The following ALPK2 variants were observed in gnomAD, a reference collection of about 807,000 sequenced individuals.
ALPK2 encodes alpha-protein kinase 2.
A neutral mutation model predicts 163.1 loss-of-function variants in ALPK2; 127 were observed. The ratio of observed to expected loss-of-function variants is 0.78; its 90% CI spans 0.67 to 0.90. The LOEUF is 0.90. ALPK2 is among the 40% of genes least tolerant of loss of function. The probability of loss-of-function intolerance (pLI) is 0.00; values close to 1 mark genes in which losing one functional copy is unlikely to be tolerated. For missense variants in ALPK2, 2,360 were observed against 2,589.6 expected (o/e 0.91, Z 1.92); for synonymous variants, 953 against 959.1 (o/e 0.99, Z 0.12).
At chr18:58,550,834 T>C (rs922947723) in intron 4 of ALPK2, among the ~76,000 whole-genome samples, 35 of 56,354 alleles carry the variant, frequency 6.2e-4, no homozygotes, top group Admixed American at 9.8e-4. Context: ...CATATACAAC[T>C]CCATCCTCAT....
At chr18:58,590,853 C>T (rs1568095198) in intron 3 of ALPK2, among the ~76,000 whole-genome samples, 2 of 152,166 alleles carry the variant, frequency 1.3e-5, no homozygotes, top group Non-Finnish European at 2.9e-5. Flanking sequence ...AGAGCTGTGT[C>T]TCTCCCAGGC....
intron 3 of ALPK2, 56 bp from the exon 4 acceptor site, chr18:58,580,604 A>G (rs2051953847): frequency 5.0e-6 from 7 of 1,388,212 alleles, no homozygotes; most frequent in Non-Finnish European, 7.0e-6. Context: ...GCATGCCAAC[A>G]TTTTCACACC....
chr18:58,536,821 A>T lies in ALPK2; in HGVS notation c.3366T>A (p.Tyr1122Ter), dbSNP rs1235460046. The change falls in exon 5 of 13, where the codon TAT becomes TAA. Residue 1122 changes from tyrosine (Y) to a stop codon, truncating the protein, a stop_gained. Transcript: ENST00000361673. LOFTEE classifies it high-confidence loss of function. ...TTCCTCTTTCTTGGAAATTCTCTTC[A>T]TAGCTCCTAAAGTCTGCTCTGTCCA... ...QTVDRADFRS[Y>*]EENFQERGSE... is the part of the protein sequence containing the mutation. 1 of 1,614,022 alleles carries T rather than the reference A, an allele frequency of 6.2e-7. No individual in the cohort carries two copies. Among genetic ancestry groups the T allele is most frequent in the African/African-American group, 1.3e-5 (1 of 74,918 alleles).
intron 3 of ALPK2, among the ~76,000 whole-genome samples, chr18:58,587,426 C>T (rs1337765112): frequency 3.9e-5 from 6 of 152,068 alleles, no homozygotes; most frequent in Non-Finnish European, 8.8e-5. Context: ...TCAATAGAAA[C>T]TGTCCCTAGA....
chr18:58,538,823 A>T (rs182457533), intron 4 of ALPK2, among the ~76,000 whole-genome samples: 170 of 152,170 alleles, frequency 1.1e-3, no homozygotes, highest in African/African-American at 4.0e-3. Context: ...GCCATCCCTC[A>T]GGGGTGGGGG....
At chr18:58,561,793 C>T (rs2051826831) in intron 4 of ALPK2, among the ~76,000 whole-genome samples, 2 of 152,212 alleles carry the variant, frequency 1.3e-5, no homozygotes, top group South Asian at 4.1e-4. Flanking sequence ...GCCAAGCAAC[C>T]TCCCAGCTCA....
intron 10 of ALPK2, 109 bp downstream of exon 10, chr18:58,514,884 A>G (rs2051512949): frequency 3.0e-6 from 2 of 674,490 alleles, no homozygotes; most frequent in Non-Finnish European, 4.8e-6. Context: ...GAGCTTACAG[A>G]CTGAGAGATC....
At chr18:58,565,980 AC>A (rs1309457381) in intron 4 of ALPK2, among the ~76,000 whole-genome samples, 1 of 151,912 alleles carries the variant, frequency 6.6e-6, no homozygotes, top group East Asian at 1.9e-4. Context: ...ATGGGATTTC[AC>A]CATATTGGCC....
intron 12 of ALPK2, among the ~76,000 whole-genome samples, chr18:58,496,524 G>T (rs1906601208): frequency 6.6e-6 from 1 of 152,202 alleles, no homozygotes; most frequent in African/African-American, 2.4e-5. Context: ...TACTGACCTG[G>T]AGGTTAAAAG....
chr18:58,530,541 A>G (rs1283683787), intron 5 of ALPK2, among the ~76,000 whole-genome samples: 1 of 152,202 alleles, frequency 6.6e-6, no homozygotes, highest in Non-Finnish European at 1.5e-5. Flanking sequence ...TTCCAACACC[A>G]TGCAGTGGCC....
chr18:58,558,188 A>G (rs1326423143), intron 4 of ALPK2, among the ~76,000 whole-genome samples: 1 of 152,234 alleles, frequency 6.6e-6, no homozygotes, highest in Non-Finnish European at 1.5e-5. Flanking sequence ...TACCCTTCCA[A>G]ATTAATTTCA....
intron 1 of ALPK2, among the ~76,000 whole-genome samples, chr18:58,616,687 C>G (rs993083297): frequency 3.3e-5 from 5 of 152,164 alleles, no homozygotes; most frequent in Admixed American, 6.5e-5. Flanking sequence ...TCCTGCAAAT[C>G]GCCTATGGAT....
At chr18:58,612,729 C>G (rs2052139473) in intron 1 of ALPK2, among the ~76,000 whole-genome samples, 1 of 152,216 alleles carries the variant, frequency 6.6e-6, no homozygotes, top group Admixed American at 6.5e-5. Context: ...CCAGAGAACC[C>G]TTTCCTTTCC....
chr18:58,481,902 A>G lies in ALPK2; in HGVS notation c.6434T>C (p.Ile2145Thr), dbSNP rs550777054. ...NNNQKQKQPS[I>T]GKSKVQTNSM... is the part of the protein sequence containing the mutation. ...GTTTGTTTGAACTTTGCTTTTCCCA[A>G]TGCTCGGCTGCTTCTGTTTCTGGTT... Residue 2145 changes from isoleucine to threonine, a missense_variant, in exon 13 of 13, where the codon ATT becomes ACT. Transcript: ENST00000361673. 4.8e-5 allele frequency: 77 copies of G among 1,614,098 alleles called. 1 individual carries two copies. The highest frequency in any genetic ancestry group is 1.6e-4 in the African/African-American group (12 of 75,008).
chr18:58,542,222 C>T (rs1297379585), intron 4 of ALPK2, among the ~76,000 whole-genome samples: 5 of 152,182 alleles, frequency 3.3e-5, no homozygotes, highest in African/African-American at 9.7e-5. Context: ...CTTCTCTGAC[C>T]CTCTGTCTCC....
intron 4 of ALPK2, among the ~76,000 whole-genome samples, chr18:58,575,199 C>A (rs2144193106): frequency 7.0e-6 from 1 of 142,296 alleles, no homozygotes; most frequent in Middle Eastern, 3.6e-3. Flanking sequence ...AGAGTGAAAC[C>A]TCGTTTCAAA....
chr18:58,492,259 CAA>C (rs560756414), intron 12 of ALPK2, among the ~76,000 whole-genome samples: 43 of 151,606 alleles, frequency 2.8e-4, no homozygotes, highest in Non-Finnish European at 5.1e-4. Flanking sequence ...GAAACAAAGA[CAA>C]AGACACGCAC....
At chr18:58,559,775 G>T (rs1449520192) in intron 4 of ALPK2, among the ~76,000 whole-genome samples, 2 of 152,168 alleles carry the variant, frequency 1.3e-5, no homozygotes, top group African/African-American at 4.8e-5. Context: ...ACTGGAATTT[G>T]CACAGTCTGC....
At chr18:58,506,331 C>T (rs548208728) in intron 10 of ALPK2, among the ~76,000 whole-genome samples, 5 of 150,064 alleles carry the variant, frequency 3.3e-5, no homozygotes, top group Non-Finnish European at 5.9e-5. Flanking sequence ...AATACAGCCA[C>T]GTAACACACC....
Sources: allele counts gnomAD v4.1 joint callset (sites outside exome capture counted in the v4.1 genomes callset), GRCh38; gene constraint gnomAD v4.1.1; transcripts MANE v1.5; gene names NCBI Gene and HGNC (gene_info 2026-07-23, HGNC 2026-07-21).